ZNF267: variants seen among roughly 807,000 people sequenced by gnomAD.
ZNF267 encodes the protein zinc finger protein 267, also known as zinc finger (C2H2).
A neutral mutation model predicts 71.6 loss-of-function variants in ZNF267; 61 were observed. The ratio of observed to expected loss-of-function variants is 0.85; its 90% CI spans 0.69 to 1.05. The LOEUF (loss-of-function observed/expected upper bound fraction) is 1.05. Ranked by LOEUF, ZNF267 falls within the 50% of genes least tolerant of loss-of-function variation. The probability of loss-of-function intolerance (pLI) is 0.00; values close to 1 mark genes in which losing one functional copy is unlikely to be tolerated. For synonymous variants in ZNF267, 288 were observed against 293.2 expected, an observed-to-expected ratio of 0.98 and a Z score of 0.18; for missense variants, 852 against 870.0, an observed-to-expected ratio of 0.98 and a Z score of 0.26.
intron 1 of ZNF267, 78 bp from the exon 2 acceptor site, chr16:31,884,420 A>G: frequency 6.3e-7 from 1 of 1,590,254 alleles, no homozygotes; most frequent in East Asian, 2.2e-5. Flanking sequence ...CAGAACCAAT[A>G]ACTGTCATTT....
chr16:31,884,772 T>A (rs2083912496), intron 2 of ZNF267, 148 bp downstream of exon 2: 2 of 796,764 alleles, frequency 2.5e-6, no homozygotes, highest in East Asian at 2.8e-5. Flanking sequence ...GTAGAAAAAA[T>A]TTCATAATGT....
At chr16:31,879,894 T>C (rs2083878090) in intron 1 of ZNF267, among the ~76,000 whole-genome samples, 1 of 152,166 alleles carries the variant, frequency 6.6e-6, no homozygotes, top group Non-Finnish European at 1.5e-5. Context: ...TGCCCATGAA[T>C]GTGCAGAAGG....
chr16:31,907,796 G>A lies in ZNF267; in HGVS notation c.227-6680G>A, dbSNP rs557084785. Among the ~76,000 whole-genome samples the A allele has an allele frequency of 3.3e-5, 5 of 152,176 alleles. No individual in the cohort carries two copies. The East Asian group carries it at 9.7e-4, about 30-fold the overall frequency. On this transcript the variant is annotated intron_variant, in intron 3 of 3. Transcript: ENST00000300870. The stretch of plus-strand genomic sequence containing the variant: ...TCATGCCTATAATCCCAGCAATTTG[G>A]GAGGCCGAGGCGGGTGGATCACGAG...
rs1417707122 is a variant in ZNF267 at position 31,902,258 on chromosome 16, G to T, written c.227-12218G>T. On this transcript the variant is annotated intron_variant, in intron 3 of 3. Transcript: ENST00000300870. ...CTCCAGCTTTGTTCTTTTGGCTTAGGATTGTCTTGGTGATGCAGGCTCTTA... is the reference window on the plus strand; with the variant it reads ...CTCCAGCTTTGTTCTTTTGGCTTAGTATTGTCTTGGTGATGCAGGCTCTTA... Among the ~76,000 whole-genome samples the T allele has an allele frequency of 1.1e-4, 16 of 152,092 alleles. 1 individual carries two copies.
At chr16:31,877,366 T>C (rs552870220) in intron 1 of ZNF267, among the ~76,000 whole-genome samples, 2 of 152,304 alleles carry the variant, frequency 1.3e-5, no homozygotes, top group South Asian at 4.1e-4. Context: ...GTAAGATCTT[T>C]GTGGATCTCA....
intron 1 of ZNF267, among the ~76,000 whole-genome samples, chr16:31,878,681 T>C (rs79643948): frequency 0.015 from 2,262 of 152,314 alleles, 28 homozygotes; most frequent in Non-Finnish European, 0.019. Flanking sequence ...CACAAACCAG[T>C]CCTTCCACCA....
chr16:31,873,991 TC>T, intron 1 of ZNF267, 22 bp downstream of exon 1: 1 of 1,607,074 alleles, frequency 6.2e-7, no homozygotes, highest in Non-Finnish European at 8.5e-7. Context: ...GGGTCGGGGG[TC>T]CCCAGAGGGA....
Position 31,878,642 on chromosome 16 carries a change from C to T in ZNF267, c.3+4673C>T, listed in dbSNP as rs530112635. On this transcript the variant is annotated intron_variant, in intron 1 of 3. Transcript: ENST00000300870. ...GCGTGGACCCAGGGATATGTCAGAG[C>T]ATAGTCCCACCTGGGCCAGTATCTG... 5.6e-4 allele frequency among the ~76,000 whole-genome samples: 85 copies of T among 152,264 alleles called. 1 individual carries two copies. The East Asian group carries it at 0.015, about 26-fold the overall frequency.
At chr16:31,892,158 A>G (rs559421703) in intron 3 of ZNF267, among the ~76,000 whole-genome samples, 2 of 152,276 alleles carry the variant, frequency 1.3e-5, no homozygotes, top group South Asian at 4.1e-4. Flanking sequence ...GTGGCTGGGG[A>G]GGCCTCACAA....
intron 3 of ZNF267, among the ~76,000 whole-genome samples, chr16:31,911,295 A>G (rs1165171138): frequency 2.4e-4 from 36 of 151,734 alleles, no homozygotes; most frequent in Non-Finnish European, 7.4e-5. Flanking sequence ...CTCAATTATT[A>G]TTGTATTGGG....
At chr16:31,874,141 A>G in intron 1 of ZNF267, 172 bp downstream of exon 1, 1 of 690,750 alleles carries the variant, frequency 1.4e-6, no homozygotes, top group Non-Finnish European at 2.4e-6. Context: ...GATGGCGGCC[A>G]GGCCGGCAGC....
chr16:31,890,563 T>A (rs576812934), intron 3 of ZNF267, among the ~76,000 whole-genome samples: 12 of 152,378 alleles, frequency 7.9e-5, no homozygotes, highest in Admixed American at 5.9e-4. Context: ...TCTGTGTTTA[T>A]TCTAGTCTGT....
intron 1 of ZNF267, among the ~76,000 whole-genome samples, chr16:31,875,950 A>T (rs1318527841): frequency 6.6e-6 from 1 of 152,166 alleles, no homozygotes; most frequent in Non-Finnish European, 1.5e-5. Flanking sequence ...GAGTGTAGTA[A>T]GTTTCTCAGG....
At chr16:31,900,780 T>G (rs951415824) in intron 3 of ZNF267, among the ~76,000 whole-genome samples, 22 of 149,522 alleles carry the variant, frequency 1.5e-4, no homozygotes, top group Admixed American at 6.0e-4. Flanking sequence ...TTTTTAATTT[T>G]TAACTTATTT....
chr16:31,904,144 G>A (rs1028564817), intron 3 of ZNF267, among the ~76,000 whole-genome samples: 1 of 152,212 alleles, frequency 6.6e-6, no homozygotes, highest in Non-Finnish European at 1.5e-5. Context: ...GCACTGTGGT[G>A]TGAGAGACAG....
Position 31,914,916 on chromosome 16 carries a change from A to G in ZNF267, c.667A>G (p.Lys223Glu), listed in dbSNP as rs2084161916. 6.2e-7 allele frequency: 1 copy of G among 1,612,468 alleles called. No homozygotes were observed. Among genetic ancestry groups the G allele is most frequent in the Non-Finnish European group, 8.5e-7 (1 of 1,179,576 alleles). The change falls in exon 4 of 4, where the codon AAA (lysine) becomes GAA (glutamate). Residue 223 changes from lysine (K) to glutamate (E), a missense_variant. Physicochemically the swap from Lys to Glu is moderately conservative, Grantham distance 56 (BLOSUM62 1). Coordinates refer to ENST00000300870, the MANE Select transcript of ZNF267 (RefSeq NM_003414.6). ...AAATTATCATTGCAATAATTCTGAA[A>G]AAACCTTGAACCAAAGCTCAAGCCC... The part of the protein sequence containing the change: ...EKNYHCNNSE[K>E]TLNQSSSPKN...
chr16:31,885,306 C>A, intron 3 of ZNF267, 50 bp downstream of exon 3: 1 of 1,518,724 alleles, frequency 6.6e-7, no homozygotes, highest in Non-Finnish European at 8.9e-7. Flanking sequence ...GTCCAGAAGT[C>A]AAGAAAGAAC....
rs116163484 is a variant in ZNF267 at position 31,886,861 on chromosome 16, T to C, written c.226+1605T>C. Among the ~76,000 whole-genome samples the C allele has an allele frequency of 6.9e-3, 1,055 of 152,332 alleles. 16 individuals carry two copies. The highest frequency in any genetic ancestry group is 0.024 in the African/African-American group (1,013 of 41,572). On this transcript the variant is annotated intron_variant, in intron 3 of 3. Coordinates refer to ENST00000300870, the MANE Select transcript of ZNF267 (RefSeq NM_003414.6). ...ATATATCTTTGACATATGATTTTAT[T>C]TCCTTTGGTTATACAATTAGAAGTA... is the stretch of plus-strand genomic sequence containing the variant.
rs1470990944 is a variant in ZNF267 at position 31,915,269 on chromosome 16, T to A, written c.1020T>A (p.His340Gln). 6.2e-7 allele frequency: 1 copy of A among 1,613,876 alleles called. No individual in the cohort carries two copies. The highest frequency in any genetic ancestry group is 1.7e-5 in the Admixed American group (1 of 60,026). The change falls in exon 4 of 4, where the codon CAT becomes CAA. Residue 340 changes from histidine (H) to glutamine (Q), a missense_variant. Physicochemically the swap from His to Gln is conservative, Grantham distance 24 (BLOSUM62 0). Transcript: ENST00000300870. ...SLNHSLHLTQHQIIPTEEKPC... is the reference protein window; with the variant it reads ...SLNHSLHLTQQQIIPTEEKPC... ...ACCATAGTTTGCACCTTACTCAACATCAGATCATTCCTACCGAAGAGAAAC... is the reference window on the plus strand; with the variant it reads ...ACCATAGTTTGCACCTTACTCAACAACAGATCATTCCTACCGAAGAGAAAC...
Sources: gnomAD v4.1 joint callset for allele counts (sites outside exome capture counted in the v4.1 genomes callset) on GRCh38, gnomAD v4.1.1 for gene constraint, MANE v1.5 for transcripts, NCBI Gene and HGNC (gene_info 2026-07-23, HGNC 2026-07-21) for gene names.